The following C1orf21 variants were observed in gnomAD, a reference collection of about 807,000 sequenced individuals.
The protein encoded by C1orf21 is uncharacterized protein C1orf21.
A neutral mutation model predicts 18.7 loss-of-function variants in C1orf21; 3 were observed. The ratio of observed to expected loss-of-function variants is 0.16; its 90% CI spans 0.07 to 0.42. C1orf21 has a LOEUF of 0.42. C1orf21 is among the 10% of genes least tolerant of loss of function. C1orf21 has a pLI of 0.99. For synonymous variants in C1orf21, 41 were observed against 46.4 expected (o/e 0.88, Z 0.47); for missense variants, 104 against 143.6 (o/e 0.72, Z 1.41).
At position 184,529,400 on chromosome 1, in the gene C1orf21, A is replaced by G. The variant is rs577256566; in HGVS notation, c.189+21718A>G. Among the ~76,000 whole-genome samples, 13 of 152,348 alleles carry G rather than the reference A, an allele frequency of 8.5e-5. No individual in the cohort carries two copies. The South Asian group carries it at 2.5e-3, about 29-fold the overall frequency. ...GATAAGGACTTTGATAGGTGTCCAC[A>G]TATAATAAGAACATAGAGACATGGA... is the stretch of plus-strand genomic sequence containing the variant. On this transcript the variant is annotated intron_variant, in intron 3 of 5. Transcript: ENST00000235307.
intron 2 of C1orf21, among the ~76,000 whole-genome samples, chr1:184,486,968 G>A (rs1323192396): frequency 6.6e-6 from 1 of 152,206 alleles, no homozygotes; most frequent in Non-Finnish European, 1.5e-5. Context: ...GAGACCTGCT[G>A]GGTGCTTCCT....
At chr1:184,563,548 A>G (rs1202743126) in intron 3 of C1orf21, among the ~76,000 whole-genome samples, 1 of 152,236 alleles carries the variant, frequency 6.6e-6, no homozygotes, top group Non-Finnish European at 1.5e-5. Context: ...ACTAGAAAGC[A>G]AATTCTAGTT....
chr1:184,500,896 C>G (rs1418370115), intron 2 of C1orf21, among the ~76,000 whole-genome samples: 1 of 152,086 alleles, frequency 6.6e-6, no homozygotes, highest in Non-Finnish European at 1.5e-5. Context: ...AGCCTCATAC[C>G]CCCAGCCCCC....
intron 1 of C1orf21, among the ~76,000 whole-genome samples, chr1:184,418,236 G>A (rs529958071): frequency 2.6e-3 from 344 of 134,448 alleles, no homozygotes; most frequent in Middle Eastern, 0.018. Context: ...TTTATTTTTT[G>A]GAGATAGGGT....
intron 1 of C1orf21, among the ~76,000 whole-genome samples, chr1:184,397,754 G>A (rs1656084423): frequency 6.6e-6 from 1 of 152,172 alleles, no homozygotes; most frequent in African/African-American, 2.4e-5. Context: ...AAAATTTGGA[G>A]CCATGGTTTG....
At chr1:184,567,581 C>T (rs893606862) in intron 3 of C1orf21, 8 of 470,450 alleles carry the variant, frequency 1.7e-5, no homozygotes, top group Non-Finnish European at 3.0e-5. Flanking sequence ...TCAGCTACAT[C>T]GCAGGTCCTT....
intron 1 of C1orf21, among the ~76,000 whole-genome samples, chr1:184,466,859 G>A (rs1657406867): frequency 6.6e-6 from 1 of 152,070 alleles, no homozygotes; most frequent in Non-Finnish European, 1.5e-5. Flanking sequence ...CTGGTCCCTA[G>A]TGGAATGTTG....
intron 1 of C1orf21, among the ~76,000 whole-genome samples, chr1:184,414,229 C>T (rs993514976): frequency 6.6e-6 from 1 of 152,134 alleles, no homozygotes; most frequent in African/African-American, 2.4e-5. Flanking sequence ...CTCCCAGGCT[C>T]AAGCGATCCT....
At chr1:184,444,060 A>T (rs1472993773) in intron 1 of C1orf21, among the ~76,000 whole-genome samples, 1 of 152,108 alleles carries the variant, frequency 6.6e-6, no homozygotes, top group Non-Finnish European at 1.5e-5. Context: ...AATTTGTGTA[A>T]CCTGTGTCTC....
At chr1:184,498,057 G>T (rs1657919746) in intron 2 of C1orf21, among the ~76,000 whole-genome samples, 1 of 151,984 alleles carries the variant, frequency 6.6e-6, no homozygotes, top group Non-Finnish European at 1.5e-5. Context: ...TCTATTCTAT[G>T]CCGCTCATTA....
At chr1:184,399,659 T>G (rs1196631494) in intron 1 of C1orf21, among the ~76,000 whole-genome samples, 1 of 152,196 alleles carries the variant, frequency 6.6e-6, no homozygotes. Flanking sequence ...CTGGCCATGT[T>G]AGGTACTTCC....
At chr1:184,550,941 A>G (rs1360263396) in intron 3 of C1orf21, among the ~76,000 whole-genome samples, 1 of 152,228 alleles carries the variant, frequency 6.6e-6, no homozygotes, top group Non-Finnish European at 1.5e-5. Context: ...ATAAAAAAGA[A>G]TTTTTTGATA....
At chr1:184,517,481 C>A (rs1658247637) in intron 3 of C1orf21, among the ~76,000 whole-genome samples, 1 of 152,082 alleles carries the variant, frequency 6.6e-6, no homozygotes, top group South Asian at 2.1e-4. Context: ...TTTGAATAGC[C>A]CCAATTTCCC....
At chr1:184,522,099 C>G (rs907612092) in intron 3 of C1orf21, among the ~76,000 whole-genome samples, 1 of 151,994 alleles carries the variant, frequency 6.6e-6, no homozygotes, top group African/African-American at 2.4e-5. Flanking sequence ...CAGGGGATGG[C>G]TAGAATGATC....
intron 5 of C1orf21, among the ~76,000 whole-genome samples, chr1:184,604,978 C>T (rs560177986): frequency 6.6e-6 from 1 of 152,300 alleles, no homozygotes; most frequent in Non-Finnish European, 1.5e-5. Flanking sequence ...AAAACCACGC[C>T]ATTTCTGTGC....
chr1:184,434,252 T>A (rs969510537), intron 1 of C1orf21, among the ~76,000 whole-genome samples: 21 of 151,800 alleles, frequency 1.4e-4, no homozygotes, highest in African/African-American at 4.4e-4. Context: ...ACCAGGTGAC[T>A]GCTGAGCACT....
At chr1:184,439,551 G>C (rs1054223113) in intron 1 of C1orf21, among the ~76,000 whole-genome samples, 1 of 152,006 alleles carries the variant, frequency 6.6e-6, no homozygotes, top group African/African-American at 2.4e-5. Flanking sequence ...CATTTTTTGA[G>C]AGACTTTGCA....
chr1:184,564,870 C>T (rs1341051922), intron 3 of C1orf21, among the ~76,000 whole-genome samples: 1 of 152,122 alleles, frequency 6.6e-6, no homozygotes, highest in Non-Finnish European at 1.5e-5. Flanking sequence ...GGCACACAGT[C>T]CAGAATTAGA....
At chr1:184,453,655 A>G (rs922134484) in intron 1 of C1orf21, among the ~76,000 whole-genome samples, 4 of 144,770 alleles carry the variant, frequency 2.8e-5, no homozygotes, top group African/African-American at 1.1e-4. Context: ...ATCTAGACCA[A>G]AACTTTTTTT....
Sources: gnomAD v4.1 joint callset for allele counts (sites outside exome capture counted in the v4.1 genomes callset) on GRCh38, gnomAD v4.1.1 for gene constraint, MANE v1.5 for transcripts, NCBI Gene and HGNC (gene_info 2026-07-23, HGNC 2026-07-21) for gene names.